COMMD10: variants seen among roughly 807,000 people sequenced by gnomAD.
COMMD10 encodes the protein COMM domain containing 10.
A neutral mutation model predicts 28.9 loss-of-function variants in COMMD10; 33 were observed. That is an observed-to-expected ratio of 1.14 (90% CI 0.87 to 1.53). COMMD10 has a LOEUF of 1.53. Ranked by LOEUF, COMMD10 falls within the 40% of genes most tolerant of loss-of-function variation. The probability of loss-of-function intolerance (pLI) is 0.00; values close to 1 mark genes in which losing one functional copy is unlikely to be tolerated. For synonymous variants in COMMD10, 110 were observed against 81.7 expected, an observed-to-expected ratio of 1.35 and a Z score of -1.87; for missense variants, 310 against 233.4, an observed-to-expected ratio of 1.33 and a Z score of -2.14.
intron 4 of COMMD10, among the ~76,000 whole-genome samples, chr5:116,118,018 A>C (rs939797466): frequency 5.3e-5 from 8 of 152,256 alleles, no homozygotes; most frequent in Admixed American, 2.6e-4. Context: ...AAGGAACTAC[A>C]TGCCCTGTTG....
intron 4 of COMMD10, among the ~76,000 whole-genome samples, chr5:116,126,709 A>T (rs1751658000): frequency 1.3e-5 from 2 of 152,192 alleles, no homozygotes; most frequent in Admixed American, 1.3e-4. Context: ...TGCTGGGAAA[A>T]CAGGCTAGCC....
chr5:116,131,689 T>G (rs1751867888), intron 4 of COMMD10, among the ~76,000 whole-genome samples: 1 of 151,964 alleles, frequency 6.6e-6, no homozygotes, highest in Admixed American at 6.6e-5. Context: ...TGTCTCCTAA[T>G]GGAGATTGCA....
intron 5 of COMMD10, among the ~76,000 whole-genome samples, chr5:116,264,062 C>T (rs536883960): frequency 6.6e-6 from 1 of 151,874 alleles, no homozygotes; most frequent in South Asian, 2.1e-4. Context: ...AACCTATGTA[C>T]CTACTATGTA....
chr5:116,211,689 A>T (rs186323881), intron 5 of COMMD10, among the ~76,000 whole-genome samples: 2 of 152,276 alleles, frequency 1.3e-5, no homozygotes, highest in African/African-American at 4.8e-5. Flanking sequence ...TCTCAAATAT[A>T]TGGAGTATTT....
chr5:116,229,904 A>T (rs1749485210), intron 5 of COMMD10, among the ~76,000 whole-genome samples: 1 of 151,866 alleles, frequency 6.6e-6, no homozygotes, highest in Non-Finnish European at 1.5e-5. Context: ...TATTTTATTT[A>T]TCGTCCTTTA....
Position 116,291,251 on chromosome 5 carries a change from A to T in COMMD10, c.511-266A>T, listed in dbSNP as rs556047269. 4.6e-5 allele frequency among the ~76,000 whole-genome samples: 7 copies of T among 152,316 alleles called. 1 individual carries two copies. In the Middle Eastern group the frequency reaches 0.014, roughly 296 times the overall value. On this transcript the variant is annotated intron_variant, in intron 5 of 6. Coordinates refer to ENST00000274458, the MANE Select transcript of COMMD10 (RefSeq NM_016144.4). ...CTGTCTTGAAAAAATTAGATAATAA[A>T]GTTGTTCTCTTACTGGCATATGTTT... is the stretch of plus-strand genomic sequence containing the variant.
rs561526941 is a variant in COMMD10, at chr5:116,234,013, G to C, written c.511-57504G>C. On this transcript the variant is annotated intron_variant, in intron 5 of 6. Transcript: ENST00000274458. ...AAAGAGTAATAATCAAAAATAGGAAGATCTTCAGTCAGTGATGCTAATGTG... is the reference window on the plus strand; with the variant it reads ...AAAGAGTAATAATCAAAAATAGGAACATCTTCAGTCAGTGATGCTAATGTG... Among the ~76,000 whole-genome samples, 28 of 152,242 alleles carry C rather than the reference G, an allele frequency of 1.8e-4. No individual in the cohort carries two copies. In the South Asian group the frequency reaches 2.5e-3, roughly 14 times the overall value.
chr5:116,291,565 TTCTATAACAAGG>T lies in COMMD10; in HGVS notation c.563_570+4del. 1.3e-6 allele frequency: 2 copies of T among 1,583,348 alleles called. No individual in the cohort carries two copies. The highest frequency in any genetic ancestry group is 1.7e-6 in the Non-Finnish European group (2 of 1,157,158). ...ATTCAGTCACAAGGAGTTGTTTGAT[TTCTATAACAAGG>T]TCTGTATTTTTAAAATAATTTTCTA... is the stretch of plus-strand genomic sequence containing the variant. On this transcript the variant is annotated splice_donor_variant and coding_sequence_variant, in exon 6 of 7. Coordinates refer to ENST00000274458, the MANE Select transcript of COMMD10 (RefSeq NM_016144.4). LOFTEE classifies it high-confidence loss of function.
intron 5 of COMMD10, among the ~76,000 whole-genome samples, chr5:116,266,285 A>G (rs971815522): frequency 1.3e-5 from 2 of 151,774 alleles, no homozygotes; most frequent in Non-Finnish European, 2.9e-5. Context: ...AGAAATTTAT[A>G]TAATTTTTGA....
At chr5:116,224,028 G>T (rs1489407875) in intron 5 of COMMD10, among the ~76,000 whole-genome samples, 2 of 152,066 alleles carry the variant, frequency 1.3e-5, no homozygotes, top group Non-Finnish European at 2.9e-5. Flanking sequence ...TCTCTTTTAC[G>T]TTTTTTAAGA....
intron 5 of COMMD10, among the ~76,000 whole-genome samples, chr5:116,244,713 C>T (rs1749898491): frequency 1.4e-5 from 2 of 143,578 alleles, no homozygotes; most frequent in Admixed American, 1.4e-4. Flanking sequence ...AAATTGAATA[C>T]CTTCTCCTGA....
chr5:116,128,856 A>G (rs757393532), intron 4 of COMMD10, among the ~76,000 whole-genome samples: 1 of 151,838 alleles, frequency 6.6e-6, no homozygotes, highest in Non-Finnish European at 1.5e-5. Flanking sequence ...TCAGATTTAG[A>G]TTGTGATTTT....
chr5:116,205,834 T>C (rs1350872081), intron 5 of COMMD10, among the ~76,000 whole-genome samples: 2 of 152,152 alleles, frequency 1.3e-5, no homozygotes, highest in Non-Finnish European at 2.9e-5. Flanking sequence ...TTTTAGCATC[T>C]ATTTGATTTT....
chr5:116,171,955 T>G (rs1424509063), intron 5 of COMMD10, among the ~76,000 whole-genome samples: 1 of 152,058 alleles, frequency 6.6e-6, no homozygotes, highest in Non-Finnish European at 1.5e-5. Flanking sequence ...TGCACATGTA[T>G]CCTAGAACTT....
At chr5:116,216,715 G>A (rs1198770668) in intron 5 of COMMD10, among the ~76,000 whole-genome samples, 1 of 152,028 alleles carries the variant, frequency 6.6e-6, no homozygotes, top group East Asian at 1.9e-4. Context: ...TGCATTTTTA[G>A]TAGAGATGGG....
intron 4 of COMMD10, among the ~76,000 whole-genome samples, chr5:116,123,473 G>A (rs1461950108): frequency 6.6e-6 from 1 of 152,192 alleles, no homozygotes; most frequent in African/African-American, 2.4e-5. Context: ...CGGTTTGCCA[G>A]TATTTTATTG....
At chr5:116,163,083 G>T (rs1285252475) in intron 5 of COMMD10, among the ~76,000 whole-genome samples, 1 of 151,894 alleles carries the variant, frequency 6.6e-6, no homozygotes, top group African/African-American at 2.4e-5. Context: ...TTGACTTAAA[G>T]ACTAAGCTAA....
intron 5 of COMMD10, among the ~76,000 whole-genome samples, chr5:116,198,819 C>T (rs1748592451): frequency 6.6e-6 from 1 of 152,132 alleles, no homozygotes; most frequent in African/African-American, 2.4e-5. Context: ...TAAATAATCT[C>T]TTGTCTGAAG....
intron 5 of COMMD10, among the ~76,000 whole-genome samples, chr5:116,264,546 C>G (rs116383383): frequency 0.015 from 2,267 of 151,878 alleles, 96 homozygotes; most frequent in African/African-American, 0.051. Flanking sequence ...AGCGCATTAA[C>G]TACAAAGTCA....
Sources: allele counts gnomAD v4.1 joint callset (sites outside exome capture counted in the v4.1 genomes callset), GRCh38; gene constraint gnomAD v4.1.1; transcripts MANE v1.5; gene names NCBI Gene and HGNC (gene_info 2026-07-23, HGNC 2026-07-21).